Variants in DNAH8 observed in about 807,000 individuals in gnomAD.
The protein encoded by DNAH8 is dynein axonemal heavy chain 8, also known as axonemal beta dynein heavy chain 8.
DNAH8 carries 382 observed loss-of-function variants against 562.1 expected under a neutral mutation model. That is an observed-to-expected ratio of 0.68 (90% CI 0.63 to 0.74). The LOEUF (loss-of-function observed/expected upper bound fraction) is 0.74. Ranked by LOEUF, DNAH8 falls within the 30% of genes least tolerant of loss-of-function variation. The pLI is 0.00. For synonymous variants in DNAH8, 1,881 were observed against 1,919.4 expected (o/e 0.98, Z 0.52); for missense variants, 5,203 against 5,620.4 (o/e 0.93, Z 2.37).
At chr6:38,763,126 A>G (rs72849135) in intron 11 of DNAH8, 40,492 of 328,738 alleles carry the variant, frequency 0.12, 3,109 homozygotes, top group Admixed American at 0.23. Flanking sequence ...CACTTGCATC[A>G]CTGAAATTAT....
At chr6:39,022,012 A>G (rs1470075444) in intron 91 of DNAH8, among the ~76,000 whole-genome samples, 1 of 152,216 alleles carries the variant, frequency 6.6e-6, no homozygotes, top group Admixed American at 6.5e-5. Context: ...TTGGATTACT[A>G]CTATTATAGG....
At chr6:38,723,540 T>C in intron 3 of DNAH8, 69 bp downstream of exon 3, 3 of 1,499,328 alleles carry the variant, frequency 2.0e-6, no homozygotes, top group Non-Finnish European at 2.6e-6. Context: ...GAAAATAGAG[T>C]TGTCATAAAC....
chr6:38,943,331 G>T (rs1783604476), intron 79 of DNAH8, among the ~76,000 whole-genome samples: 1 of 152,142 alleles, frequency 6.6e-6, no homozygotes, highest in South Asian at 2.1e-4. Flanking sequence ...AAGATGGTAT[G>T]ACTTTGTTTT....
At position 38,929,658 on chromosome 6, in the gene DNAH8, A is replaced by G. The variant is rs1223496787; in HGVS notation, c.11266A>G (p.Thr3756Ala). 3 of 1,525,622 alleles carry G rather than the reference A, an allele frequency of 2.0e-6. No homozygotes were observed. Among genetic ancestry groups the G allele is most frequent in the African/African-American group, 2.8e-5 (2 of 70,868 alleles). 94.5% of individuals were successfully genotyped at this position (1,525,622 alleles called of 1,614,324 possible). The change falls in exon 75 of 93, where the codon ACT (threonine) becomes GCT (alanine). Residue 3756 changes from threonine (T) to alanine (A), a missense_variant. Around this residue, in one of 6 missense-constraint regions of DNAH8, gnomAD observed 1,399 missense variants for 1,518.4 expected, o/e 0.92. Transcript: ENST00000327475. ...LEKNFIKSGT[T>A]FKVKVGDKEC... is the part of the protein sequence containing the mutation. ...AAAGAATTTTATTAAATCTGGCACC[A>G]CTTTCAAGGTGAGCTTTGTAAAAAA... is the stretch of plus-strand genomic sequence containing the variant.
At chr6:38,965,486 AC>A (rs1561922388) in intron 82 of DNAH8, among the ~76,000 whole-genome samples, 1 of 152,316 alleles carries the variant, frequency 6.6e-6, no homozygotes, top group East Asian at 1.9e-4. Context: ...TATTTTTCAA[AC>A]CTTTTAATGT....
In DNAH8 at chr6:39,008,926, G is replaced by C. The variant is rs1765990038; in HGVS notation, c.13327G>C (p.Glu4443Gln). Residue 4443 changes from glutamate to glutamine, a missense_variant, in exon 89 of 93, where the codon GAA becomes CAA. Physicochemically the swap from Glu to Gln is conservative, Grantham distance 29. Coordinates refer to ENST00000327475, the MANE Select transcript of DNAH8 (RefSeq NM_001206927.2). ...GGAGGCTATTGTTTATAGATTATCT[G>C]AAGATATGCTGAGTAAACTCCCTCC... Reference protein sequence around the residue: ...TREAIVYRLSEDMLSKLPPDY... With the variant: ...TREAIVYRLSQDMLSKLPPDY... 6.2e-7 allele frequency: 1 copy of C among 1,611,402 alleles called. No homozygotes were observed. Among genetic ancestry groups the C allele is most frequent in the Admixed American group, 1.7e-5 (1 of 59,918 alleles).
At chr6:38,933,658 T>C (rs1782729748) in intron 76 of DNAH8, among the ~76,000 whole-genome samples, 1 of 152,206 alleles carries the variant, frequency 6.6e-6, no homozygotes, top group Non-Finnish European at 1.5e-5. Flanking sequence ...AATGACTAAC[T>C]GGTTATTTCC....
chr6:38,789,793 C>G lies in DNAH8; in HGVS notation c.2584-10C>G. 6.3e-7 allele frequency: 1 copy of G among 1,587,428 alleles called. No individual in the cohort carries two copies. Among genetic ancestry groups the G allele is most frequent in the South Asian group, 1.2e-5 (1 of 86,684 alleles). ...ATTAAAATAAAACATGCCATTTCAA[C>G]TTCCTACAGGGTCTTCTGCAATATT... is the stretch of plus-strand genomic sequence containing the variant. On this transcript the variant is annotated splice_polypyrimidine_tract_variant and intron_variant, in intron 18 of 92. Transcript: ENST00000327475.
In DNAH8 at chr6:38,929,661, T is replaced by G; in HGVS notation, c.11269T>G (p.Phe3757Val). ...EKNFIKSGTT[F>V]KVKVGDKECD... Reference sequence around the variant, plus strand: ...GAATTTTATTAAATCTGGCACCACTTTCAAGGTGAGCTTTGTAAAAAAAAA... The same window carrying G: ...GAATTTTATTAAATCTGGCACCACTGTCAAGGTGAGCTTTGTAAAAAAAAA... The change falls in exon 75 of 93, where the codon TTC becomes GTC. Residue 3757 changes from phenylalanine (F) to valine (V), a missense_variant. Coordinates refer to ENST00000327475, the MANE Select transcript of DNAH8 (RefSeq NM_001206927.2). 1 of 1,513,096 alleles carries G rather than the reference T, an allele frequency of 6.6e-7. No individual in the cohort carries two copies. The highest frequency in any genetic ancestry group is 8.8e-7 in the Non-Finnish European group (1 of 1,135,922). The allele number at this position is 1,513,096 out of a possible 1,614,324, so 93.7% of individuals were successfully genotyped here. A position where few individuals can be genotyped will look rare whatever the true frequency, so the allele number is the denominator to read the frequency against.
chr6:38,831,311 G>T (rs1296031362), intron 30 of DNAH8, among the ~76,000 whole-genome samples: 1 of 151,634 alleles, frequency 6.6e-6, no homozygotes, highest in Admixed American at 6.6e-5. Flanking sequence ...TGTAGTCCTG[G>T]CTATTTGGGA....
chr6:38,898,198 C>G, intron 60 of DNAH8, 60 bp from the exon 61 acceptor site: 1 of 1,422,570 alleles, frequency 7.0e-7, no homozygotes, highest in Non-Finnish European at 9.5e-7. Flanking sequence ...TTTACAATTG[C>G]TACTTTAATA....
chr6:38,812,565 T>C (rs1413914809), intron 24 of DNAH8, among the ~76,000 whole-genome samples: 1 of 152,152 alleles, frequency 6.6e-6, no homozygotes, highest in East Asian at 1.9e-4. Flanking sequence ...GTTTCAGTTT[T>C]TAGAGGAGAG....
intron 11 of DNAH8, among the ~76,000 whole-genome samples, chr6:38,768,936 A>T (rs1025632040): frequency 6.6e-6 from 1 of 152,128 alleles, no homozygotes; most frequent in Non-Finnish European, 1.5e-5. Flanking sequence ...ACTCCCCCCA[A>T]ATTTGCCAAT....
intron 52 of DNAH8, among the ~76,000 whole-genome samples, chr6:38,874,112 C>T (rs1777755121): frequency 2.0e-5 from 1 of 49,440 alleles, no homozygotes; most frequent in Non-Finnish European, 4.2e-5. Context: ...CTCCTTCCTT[C>T]CTTCCTCCTT....
At chr6:38,743,268 G>T (rs746857846) in intron 8 of DNAH8, among the ~76,000 whole-genome samples, 27 of 152,040 alleles carry the variant, frequency 1.8e-4, no homozygotes, top group Admixed American at 1.7e-3. Flanking sequence ...CTCCCAAAGT[G>T]CTGGGATTAC....
At chr6:38,873,871 A>G (rs982537192) in intron 52 of DNAH8, among the ~76,000 whole-genome samples, 2 of 151,926 alleles carry the variant, frequency 1.3e-5, no homozygotes, top group Admixed American at 1.3e-4. Flanking sequence ...GAAAGAACAG[A>G]AAGGGGCCTG....
intron 33 of DNAH8, among the ~76,000 whole-genome samples, chr6:38,839,552 C>T (rs576989594): frequency 3.3e-5 from 5 of 151,946 alleles, no homozygotes; most frequent in African/African-American, 1.2e-4. Context: ...ATACAGGAGT[C>T]TCCTTATGTT....
At chr6:38,834,229 T>C (rs1422214738) in intron 31 of DNAH8, among the ~76,000 whole-genome samples, 1 of 152,212 alleles carries the variant, frequency 6.6e-6, no homozygotes, top group Non-Finnish European at 1.5e-5. Context: ...ACACTCCATA[T>C]AGAATGTAAT....
intron 71 of DNAH8, among the ~76,000 whole-genome samples, chr6:38,921,951 G>T (rs1781739763): frequency 6.6e-6 from 1 of 152,062 alleles, no homozygotes; most frequent in South Asian, 2.1e-4. Context: ...GCGGGCAGGG[G>T]TGGGGGTCAC....
Sources: allele counts gnomAD v4.1 joint callset (sites outside exome capture counted in the v4.1 genomes callset), GRCh38; gene constraint gnomAD v4.1.1; regional missense constraint gnomAD v4.1.1; transcripts MANE v1.5; gene names NCBI Gene and HGNC (gene_info 2026-07-23, HGNC 2026-07-21).